The following AR variants were observed in gnomAD, a reference collection of about 807,000 sequenced individuals.
AR encodes dihydrotestosterone receptor.
Under a neutral mutation model 53.9 loss-of-function variants are expected in AR, and 8 were observed. That is an observed-to-expected ratio of 0.15 (90% CI 0.09 to 0.27). AR has a LOEUF of 0.27. Ranked by LOEUF, AR falls within the 10% of genes least tolerant of loss-of-function variation. The pLI, the probability that AR is intolerant of heterozygous loss-of-function variation, is 1.00. For synonymous variants in AR, 359 were observed against 316.4 expected (o/e 1.13, Z -1.43); for missense variants, 639 against 742.5 (o/e 0.86, Z 1.62).
rs750589239 is a variant in AR at position 67,714,655 on chromosome X, G to T, written c.2174-2823G>T. 6.2e-5 allele frequency among the ~76,000 whole-genome samples: 7 copies of T among 112,235 alleles called. No homozygotes were observed. In the South Asian group the frequency reaches 2.2e-3, roughly 36 times the overall value. On this transcript the variant is annotated intron_variant, in intron 4 of 7. Coordinates refer to ENST00000374690, the MANE Select transcript of AR (RefSeq NM_000044.6). ...ACAGAGTCTCAAAGAAACTGCTTCT[G>T]CTCCCTAGCGTGTTTAATGTGTTTC...
intron 1 of AR, among the ~76,000 whole-genome samples, chrX:67,626,438 T>A (rs965998648): frequency 3.0e-5 from 2 of 67,386 alleles, no homozygotes; most frequent in African/African-American, 1.1e-4. Flanking sequence ...GGCTCTCTCT[T>A]TTTTTTTTTT....
rs1455031537 is a variant in AR, at chrX:67,546,776, T to C, written c.1616+14T>C. 4.2e-6 allele frequency: 5 copies of C among 1,194,067 alleles called. No homozygotes were observed. The highest frequency in any genetic ancestry group is 4.5e-6 in the Non-Finnish European group (4 of 886,031). ...CGGGGACATGCGGTAAGTTTTTCCT[T>C]CCAGAAATGTCGCCTTTCGGCCCAG... is the stretch of plus-strand genomic sequence containing the variant. On this transcript the variant is annotated intron_variant, in intron 1 of 7. Transcript: ENST00000374690.
intron 1 of AR, among the ~76,000 whole-genome samples, chrX:67,550,597 G>C (rs1338058657): frequency 1.8e-5 from 2 of 108,760 alleles, no homozygotes; most frequent in Non-Finnish European, 1.9e-5. Context: ...AATGCGGACT[G>C]GGTGTGGCAA....
At chrX:67,667,638 A>G (rs1241791810) in intron 2 of AR, among the ~76,000 whole-genome samples, 6 of 111,606 alleles carry the variant, frequency 5.4e-5, no homozygotes, top group Non-Finnish European at 1.1e-4. Context: ...TTGAATCTGT[A>G]GATAGCTTCA....
intron 3 of AR, among the ~76,000 whole-genome samples, chrX:67,691,752 C>A (rs924027091): frequency 9.0e-6 from 1 of 111,642 alleles, no homozygotes; most frequent in Non-Finnish European, 1.9e-5. Flanking sequence ...CCATCCTTAC[C>A]ACATGGTGCA....
intron 1 of AR, among the ~76,000 whole-genome samples, chrX:67,577,279 T>G (rs1007496597): frequency 9.0e-6 from 1 of 111,576 alleles, no homozygotes; most frequent in African/African-American, 3.3e-5. Context: ...AAGGTTCATC[T>G]GCATTGTAGC....
chrX:67,563,090 TAC>T (rs1365077537), intron 1 of AR, among the ~76,000 whole-genome samples: 1 of 112,052 alleles, frequency 8.9e-6, no homozygotes, highest in African/African-American at 3.2e-5. Context: ...AGATGATTTT[TAC>T]AGTCACTTTT....
At chrX:67,620,845 AATGTATTGAAAGTGCT>A (rs1406287995) in intron 1 of AR, among the ~76,000 whole-genome samples, 12 of 111,777 alleles carry the variant, frequency 1.1e-4, no homozygotes, top group Non-Finnish European at 1.9e-5. Context: ...TTGGGCCCCT[AATGTATTGAAAGTGCT>A]TCTAAGTGCC....
chrX:67,644,617 T>C (rs1925957457), intron 2 of AR, among the ~76,000 whole-genome samples: 1 of 111,972 alleles, frequency 8.9e-6, no homozygotes, highest in South Asian at 3.7e-4. Flanking sequence ...GAGAATGCCC[T>C]TTAACTGACC....
intron 2 of AR, among the ~76,000 whole-genome samples, chrX:67,683,085 G>C (rs2075945539): frequency 8.9e-6 from 1 of 111,914 alleles, no homozygotes; most frequent in South Asian, 3.8e-4. Flanking sequence ...TGTGGGTGTT[G>C]TATTCCCTGT....
In AR at chrX:67,643,395, A is replaced by C. The variant is rs767711979; in HGVS notation, c.1756A>C (p.Arg586=). Residue 586 remains arginine, a synonymous_variant, in exon 2 of 8, where the codon AGA becomes CGA. Coordinates refer to ENST00000374690, the MANE Select transcript of AR (RefSeq NM_000044.6). ...TGGAAGCTGCAAGGTCTTCTTCAAAAGAGCCGCTGAAGGTAAAGGGTCTTG... is the reference window on the plus strand; with the variant it reads ...TGGAAGCTGCAAGGTCTTCTTCAAACGAGCCGCTGAAGGTAAAGGGTCTTG... ...TCGSCKVFFK[R]AAEGKQKYLC... is the part of the protein sequence containing the mutation. 9 of 1,208,147 alleles carry C rather than the reference A, an allele frequency of 7.4e-6. No individual in the cohort carries two copies. Among genetic ancestry groups the C allele is most frequent in the Non-Finnish European group, 1.0e-5 (9 of 894,310 alleles).
intron 1 of AR, among the ~76,000 whole-genome samples, chrX:67,619,028 T>C (rs778394417): frequency 8.9e-6 from 1 of 111,743 alleles, no homozygotes; most frequent in African/African-American, 3.2e-5. Context: ...TTACAGATTC[T>C]CAGGTCTCAC....
intron 1 of AR, among the ~76,000 whole-genome samples, chrX:67,590,661 T>C (rs1922788074): frequency 8.9e-6 from 1 of 112,227 alleles, no homozygotes; most frequent in African/African-American, 3.2e-5. Context: ...ATAATTTAGA[T>C]GTGACTCTGG....
intron 2 of AR, among the ~76,000 whole-genome samples, chrX:67,657,512 C>T (rs1277348763): frequency 8.9e-6 from 1 of 111,766 alleles, no homozygotes; most frequent in Admixed American, 9.5e-5. Context: ...CTCTTTCCTC[C>T]ACTAGACTGA....
chrX:67,628,833 G>GT (rs1262166950), intron 1 of AR, among the ~76,000 whole-genome samples: 3 of 111,690 alleles, frequency 2.7e-5, no homozygotes, highest in African/African-American at 6.5e-5. Flanking sequence ...TTTATTGAGA[G>GT]TTTTTAGCAT....
intron 3 of AR, among the ~76,000 whole-genome samples, chrX:67,705,386 G>A (rs1602267858): frequency 9.0e-6 from 1 of 111,320 alleles, no homozygotes; most frequent in African/African-American, 3.3e-5. Flanking sequence ...GGATTCCTAG[G>A]TATTTTATTC....
rs746207524 is a variant in AR at position 67,643,376 on chromosome X, C to T, written c.1737C>T (p.Ser579=). 2.6e-5 allele frequency: 31 copies of T among 1,209,446 alleles called. No individual in the cohort carries two copies. In the South Asian group the frequency reaches 5.1e-4, roughly 20 times the overall value. Residue 579 remains serine (S), a synonymous_variant, in exon 2 of 8, where the codon AGC becomes AGT. Coordinates refer to ENST00000374690, the MANE Select transcript of AR (RefSeq NM_000044.6). The part of the protein sequence containing the change: ...GCHYGALTCG[S]CKVFFKRAAE... ...ACTATGGAGCTCTCACATGTGGAAG[C>T]TGCAAGGTCTTCTTCAAAAGAGCCG...
intron 1 of AR, among the ~76,000 whole-genome samples, chrX:67,613,446 T>C (rs1365924252): frequency 9.6e-6 from 1 of 104,333 alleles, no homozygotes; most frequent in East Asian, 3.0e-4. Flanking sequence ...CAATTAAGAG[T>C]GGATTGGTAG....
At chrX:67,683,194 CA>C (rs2075946328) in intron 2 of AR, among the ~76,000 whole-genome samples, 1 of 111,717 alleles carries the variant, frequency 9.0e-6, no homozygotes, top group Admixed American at 9.5e-5. Flanking sequence ...ATGTGACTGG[CA>C]ACATCAGTGC....
Sources: gnomAD v4.1 joint callset for allele counts (sites outside exome capture counted in the v4.1 genomes callset) on GRCh38, gnomAD v4.1.1 for gene constraint, MANE v1.5 for transcripts, NCBI Gene and HGNC (gene_info 2026-07-23, HGNC 2026-07-21) for gene names.